PSEN1: variants seen among roughly 807,000 people sequenced by gnomAD.
PSEN1 encodes presenilin-1.
In PSEN1, 15 loss-of-function variants were observed where a neutral mutation model predicts 53.5. The ratio of observed to expected loss-of-function variants is 0.28; its 90% CI spans 0.19 to 0.43. PSEN1 has a LOEUF of 0.43. Among genes scored for constraint, PSEN1 ranks in the 20% least tolerant of loss-of-function variants. PSEN1 has a pLI of 1.00. For synonymous variants in PSEN1, 208 were observed against 209.8 expected (o/e 0.99, Z 0.08); for missense variants, 387 against 571.2 (o/e 0.68, Z 3.29).
intron 3 of PSEN1, 107 bp from the exon 4 acceptor site, chr14:73,170,690 G>A (rs1426264448): frequency 8.1e-7 from 1 of 1,227,842 alleles, no homozygotes; most frequent in African/African-American, 1.5e-5. Context: ...CTTGCTTCAG[G>A]TTTTTAGAAC....
chr14:73,151,557 T>C (rs563710386), intron 3 of PSEN1, among the ~76,000 whole-genome samples: 1 of 152,242 alleles, frequency 6.6e-6, no homozygotes, highest in South Asian at 2.1e-4. Context: ...TATTTAATAA[T>C]TTAAAAAGCT....
At position 73,222,157 on chromosome 14, in the gene PSEN1, C is replaced by T. The variant is rs1900129893; in HGVS notation, c.*2868C>T. The T allele has an allele frequency of 6.6e-6, 1 of 152,136 alleles. No individual in the cohort carries two copies. Among genetic ancestry groups the T allele is most frequent in the South Asian group, 2.1e-4 (1 of 4,832 alleles). 9.4% of individuals were successfully genotyped at this position (152,136 alleles called of 1,614,324 possible). ...TTCGTGTGTGTTCCTAGAATCACAG[C>T]TCTGACTCCAAATGACTCAATTTCT... is the stretch of plus-strand genomic sequence containing the variant. On this transcript the variant is annotated 3_prime_UTR_variant, in exon 12 of 12. Coordinates refer to ENST00000324501, the MANE Select transcript of PSEN1 (RefSeq NM_000021.4).
chr14:73,222,232 T>G lies in PSEN1; in HGVS notation c.*2943T>G, dbSNP rs535378042. The G allele has an allele frequency of 6.6e-6, 1 of 152,308 alleles. No individual in the cohort carries two copies. Among genetic ancestry groups the G allele is most frequent in the Admixed American group, 6.5e-5 (1 of 15,296 alleles). The allele number at this position is 152,308 out of a possible 1,614,324, so 9.4% of individuals were successfully genotyped here. A position where few individuals can be genotyped will look rare whatever the true frequency, so the allele number is the denominator to read the frequency against. On this transcript the variant is annotated 3_prime_UTR_variant, in exon 12 of 12. Coordinates refer to ENST00000324501, the MANE Select transcript of PSEN1 (RefSeq NM_000021.4). ...TAAGCAACTTGGAAGAAAACAGTCA[T>G]AAGTAAGCAATTTGTTGATTTTACT... is the stretch of plus-strand genomic sequence containing the variant.
chr14:73,180,649 C>T (rs951594447), intron 5 of PSEN1, among the ~76,000 whole-genome samples: 1 of 152,152 alleles, frequency 6.6e-6, no homozygotes, highest in African/African-American at 2.4e-5. Context: ...TTATTAAAGT[C>T]AGATGATTTC....
chr14:73,220,984 C>G lies in PSEN1; in HGVS notation c.*1695C>G, dbSNP rs937185260. On this transcript the variant is annotated 3_prime_UTR_variant, in exon 12 of 12. Coordinates refer to ENST00000324501, the MANE Select transcript of PSEN1 (RefSeq NM_000021.4). Reference sequence around the variant, plus strand: ...AGGGGCCAGCTTTTTCTTCTTTTGCCTGCTGTTTTCTCTCCCAATCTATGA... The same window carrying G: ...AGGGGCCAGCTTTTTCTTCTTTTGCGTGCTGTTTTCTCTCCCAATCTATGA... 4.6e-5 allele frequency: 7 copies of G among 152,266 alleles called. No homozygotes were observed. The highest frequency in any genetic ancestry group is 1.7e-4 in the African/African-American group (7 of 41,414). The allele number at this position is 152,266 out of a possible 1,614,324, so 9.4% of individuals were successfully genotyped here.
intron 3 of PSEN1, chr14:73,168,301 G>A (rs1482267437): frequency 3.5e-4 from 53 of 151,810 alleles, no homozygotes; most frequent in Admixed American, 3.5e-3. Context: ...GTTACAGTGA[G>A]CCCAGATTGT....
chr14:73,181,723 C>T (rs901016255), intron 5 of PSEN1, among the ~76,000 whole-genome samples: 19 of 152,196 alleles, frequency 1.2e-4, no homozygotes, highest in African/African-American at 3.9e-4. Flanking sequence ...TCTTTACACA[C>T]GCCTATACGT....
intron 6 of PSEN1, among the ~76,000 whole-genome samples, chr14:73,187,429 T>G (rs936473230): frequency 1.2e-4 from 18 of 152,204 alleles, no homozygotes; most frequent in African/African-American, 4.1e-4. Flanking sequence ...AGAATACAGT[T>G]TGTAAACAAT....
intron 3 of PSEN1, among the ~76,000 whole-genome samples, chr14:73,163,018 T>G (rs886773431): frequency 2.6e-5 from 4 of 152,252 alleles, no homozygotes; most frequent in African/African-American, 9.6e-5. Context: ...TGTACTTTTT[T>G]TGAAGAGCTC....
chr14:73,217,087 G>A (rs1236898059), intron 10 of PSEN1, 39 bp from the exon 11 acceptor site: 3 of 1,611,208 alleles, frequency 1.9e-6, no homozygotes, highest in Non-Finnish European at 2.5e-6. Flanking sequence ...ATAGCAAAGA[G>A]TGACCAACTT....
intron 10 of PSEN1, among the ~76,000 whole-genome samples, chr14:73,214,647 A>G (rs1899838375): frequency 6.6e-6 from 1 of 152,220 alleles, no homozygotes; most frequent in South Asian, 2.1e-4. Context: ...GAATTCTGAC[A>G]TGTTACAACA....
At chr14:73,202,170 G>A (rs906323895) in intron 8 of PSEN1, among the ~76,000 whole-genome samples, 4 of 151,244 alleles carry the variant, frequency 2.6e-5, no homozygotes, top group Middle Eastern at 3.4e-3. Flanking sequence ...TCAGCCTCCC[G>A]AGTAGTTGAG....
upstream of PSEN1, chr14:73,136,499 T>G (rs1336466309): frequency 6.5e-6 from 1 of 152,854 alleles, no homozygotes; most frequent in Non-Finnish European, 1.5e-5. Flanking sequence ...GGTCCGCGGT[T>G]TCACATCGGA....
chr14:73,196,474 ATTTTTTTT>A (rs35294154), intron 7 of PSEN1, among the ~76,000 whole-genome samples: 2 of 102,282 alleles, frequency 2.0e-5, no homozygotes, highest in East Asian at 2.7e-4. Context: ...GAGGCATGAA[ATTTTTTTT>A]TTTTTTTTTT....
intron 8 of PSEN1, among the ~76,000 whole-genome samples, chr14:73,202,454 ATATATATATTTTTTTTT>A (rs1899255623): frequency 3.1e-4 from 5 of 16,038 alleles, no homozygotes; most frequent in African/African-American, 1.8e-3. Context: ...ATATATATAT[ATATATATATTTTTTTTT>A]TTTTTTTTTT....
At chr14:73,210,294 A>G (rs1899626774) in intron 9 of PSEN1, among the ~76,000 whole-genome samples, 1 of 152,266 alleles carries the variant, frequency 6.6e-6, no homozygotes, top group Admixed American at 6.5e-5. Flanking sequence ...ATGTAATTAT[A>G]GTATATTCTG....
chr14:73,178,665 G>T (rs899004096), intron 5 of PSEN1, among the ~76,000 whole-genome samples: 1 of 151,888 alleles, frequency 6.6e-6, no homozygotes, highest in Admixed American at 6.6e-5. Context: ...AAATGTTTTT[G>T]GTTATTTTAT....
intron 9 of PSEN1, 74 bp from the exon 10 acceptor site, chr14:73,211,695 G>GT (rs1899688274): frequency 6.6e-7 from 1 of 1,521,112 alleles, no homozygotes; most frequent in African/African-American, 1.4e-5. Flanking sequence ...GCTAGTTACT[G>GT]TTTCCATGTA....
chr14:73,156,426 A>C (rs1280055268), intron 3 of PSEN1, among the ~76,000 whole-genome samples: 1 of 151,782 alleles, frequency 6.6e-6, no homozygotes, highest in African/African-American at 2.4e-5. Flanking sequence ...CTATCAAGCC[A>C]CAAATGCAAA....
Sources: gnomAD v4.1 joint callset for allele counts (sites outside exome capture counted in the v4.1 genomes callset) on GRCh38, gnomAD v4.1.1 for gene constraint, MANE v1.5 for transcripts, NCBI Gene and HGNC (gene_info 2026-07-23, HGNC 2026-07-21) for gene names.